ITPR1: variants seen among roughly 807,000 people sequenced by gnomAD.
The protein encoded by ITPR1 is inositol 1,4,5-trisphosphate receptor type 1.
Under a neutral mutation model 318.4 loss-of-function variants are expected in ITPR1, and 96 were observed. The observed-to-expected ratio is 0.30, with a 90% CI of 0.26 to 0.36. The LOEUF is 0.36. Ranked by LOEUF, ITPR1 falls within the 10% of genes least tolerant of loss-of-function variation. The pLI, the probability that ITPR1 is intolerant of heterozygous loss-of-function variation, is 1.00. For missense variants in ITPR1, 2,440 were observed against 3,460.2 expected (o/e 0.71, Z 7.40); for synonymous variants, 1,312 against 1,289.9 (o/e 1.02, Z -0.37).
chr3:4,720,591 C>T (rs914701733), intron 40 of ITPR1, among the ~76,000 whole-genome samples: 1 of 152,150 alleles, frequency 6.6e-6, no homozygotes, highest in Non-Finnish European at 1.5e-5. Flanking sequence ...GATGTGATTC[C>T]CACTGAATCA....
In ITPR1 at chr3:4,706,248, A is replaced by T; in HGVS notation, c.4739A>T (p.Gln1580Leu). The change falls in exon 37 of 62, where the codon CAG becomes CTG. Residue 1580 changes from glutamine to leucine, a missense_variant. Around this residue, in one of 23 missense-constraint regions of ITPR1, gnomAD observed 166 missense variants for 246.5 expected, o/e 0.67. Transcript: ENST00000649015. ...TTTCTCAAGTCCCACAGCATTGTGC[A>T]GAAAACAGCCATGAACTGGCGGCTC... The part of the protein sequence containing the change: ...NLFLKSHSIV[Q>L]KTAMNWRLSA... The T allele has an allele frequency of 6.2e-7, 1 of 1,614,098 alleles. No individual in the cohort carries two copies. The highest frequency in any genetic ancestry group is 8.5e-7 in the Non-Finnish European group (1 of 1,179,902).
Position 4,783,801 on chromosome 3 carries a change from G to C in ITPR1, c.6511-15G>C, listed in dbSNP as rs2046989499. ...AGAGACACCAACCTCCTGTATCTCTGTCCCTGTATTCTAGTTGGCTCGGCA... is the reference window on the plus strand; with the variant it reads ...AGAGACACCAACCTCCTGTATCTCTCTCCCTGTATTCTAGTTGGCTCGGCA... On this transcript the variant is annotated splice_polypyrimidine_tract_variant and intron_variant, in intron 50 of 61. Transcript: ENST00000649015. The C allele has an allele frequency of 2.5e-6, 4 of 1,578,182 alleles. No individual in the cohort carries two copies. The African/African-American group carries it at 4.0e-5, about 16-fold the overall frequency.
intron 33 of ITPR1, 52 bp from the exon 34 acceptor site, chr3:4,697,095 G>A: frequency 6.3e-7 from 1 of 1,590,010 alleles, no homozygotes; most frequent in Non-Finnish European, 8.6e-7. Flanking sequence ...CAGCTAATGA[G>A]TTCCATACAC....
At chr3:4,503,163 T>C (rs1280502697) in intron 2 of ITPR1, among the ~76,000 whole-genome samples, 1 of 132,868 alleles carries the variant, frequency 7.5e-6, no homozygotes, top group Non-Finnish European at 1.7e-5. Flanking sequence ...CATTTCCTTT[T>C]GATAGCTTTT....
At chr3:4,781,220 G>C (rs1454198372) in intron 49 of ITPR1, among the ~76,000 whole-genome samples, 1 of 152,236 alleles carries the variant, frequency 6.6e-6, no homozygotes, top group Non-Finnish European at 1.5e-5. Context: ...TTTGGTATTA[G>C]ATAATGACAA....
intron 4 of ITPR1, among the ~76,000 whole-genome samples, chr3:4,570,812 A>C (rs772114320): frequency 6.6e-6 from 1 of 152,232 alleles, no homozygotes; most frequent in Non-Finnish European, 1.5e-5. Flanking sequence ...GATCAAATCC[A>C]AGTGTGTTTT....
At chr3:4,720,795 T>TG (rs2042093332) in intron 40 of ITPR1, among the ~76,000 whole-genome samples, 3 of 126,828 alleles carry the variant, frequency 2.4e-5, no homozygotes, top group Non-Finnish European at 3.4e-5. Flanking sequence ...AAATTCGAGG[T>TG]AGAGGGGGAA....
Position 4,667,361 on chromosome 3 carries a change from T to C in ITPR1, c.1714-16T>C. On this transcript the variant is annotated splice_polypyrimidine_tract_variant and intron_variant, in intron 17 of 61. Coordinates refer to ENST00000649015, the MANE Select transcript of ITPR1 (RefSeq NM_001378452.1). ...TTTATCCTTCCTACTGACGTCTCTT[T>C]TCTCTCCTTATAAAGGAGTATATAG... 2 of 1,584,560 alleles carry C rather than the reference T, an allele frequency of 1.3e-6. No individual in the cohort carries two copies. Among genetic ancestry groups the C allele is most frequent in the Non-Finnish European group, 1.7e-6 (2 of 1,163,604 alleles).
intron 35 of ITPR1, among the ~76,000 whole-genome samples, 182 bp from the exon 36 acceptor site, chr3:4,702,648 T>C (rs1173357944): frequency 6.6e-6 from 1 of 152,214 alleles, no homozygotes; most frequent in Non-Finnish European, 1.5e-5. Flanking sequence ...AGGTAACTTA[T>C]GGAATTTAGC....
At chr3:4,537,765 T>G (rs304049) in intron 4 of ITPR1, among the ~76,000 whole-genome samples, 1 of 152,180 alleles carries the variant, frequency 6.6e-6, no homozygotes, top group East Asian at 1.9e-4. Context: ...GCAGCCCTGC[T>G]GATACCTTGA....
chr3:4,507,909 C>G (rs1180493784), intron 2 of ITPR1, among the ~76,000 whole-genome samples: 1 of 152,184 alleles, frequency 6.6e-6, no homozygotes, highest in African/African-American at 2.4e-5. Context: ...GCCAGCTTCA[C>G]TGTTTAAGGA....
chr3:4,740,902 C>T (rs3805002), intron 44 of ITPR1, among the ~76,000 whole-genome samples: 6,371 of 152,296 alleles, frequency 0.042, 240 homozygotes, highest in South Asian at 0.13. Flanking sequence ...TGGTGCCACC[C>T]GCTTCCTGTC....
chr3:4,579,328 T>G (rs2089043096), intron 4 of ITPR1, among the ~76,000 whole-genome samples: 1 of 152,256 alleles, frequency 6.6e-6, no homozygotes, highest in Non-Finnish European at 1.5e-5. Flanking sequence ...TATGTAATTT[T>G]GATGATAATT....
intron 55 of ITPR1, among the ~76,000 whole-genome samples, chr3:4,807,409 C>CT (rs1327444294): frequency 6.6e-6 from 1 of 152,204 alleles, no homozygotes; most frequent in African/African-American, 2.4e-5. Flanking sequence ...GCTCCCTTCG[C>CT]TTAACGTACT....
intron 4 of ITPR1, among the ~76,000 whole-genome samples, chr3:4,596,891 G>A (rs2090871314): frequency 6.6e-6 from 1 of 152,222 alleles, no homozygotes; most frequent in African/African-American, 2.4e-5. Flanking sequence ...CTCTGGGTCA[G>A]TAAAAGTACG....
At chr3:4,803,668 TG>T (rs1341473314) in intron 54 of ITPR1, among the ~76,000 whole-genome samples, 1 of 152,008 alleles carries the variant, frequency 6.6e-6, no homozygotes, top group Non-Finnish European at 1.5e-5. Context: ...GTAGAAAAAA[TG>T]TTCAGTATTT....
At chr3:4,769,640 T>G (rs569673622) in intron 46 of ITPR1, among the ~76,000 whole-genome samples, 1 of 152,356 alleles carries the variant, frequency 6.6e-6, no homozygotes, top group African/African-American at 2.4e-5. Flanking sequence ...TATGATATCC[T>G]GGATCCTAAG....
chr3:4,814,812 G>A lies in ITPR1; in HGVS notation c.7702-241G>A. 4 of 598,998 alleles carry A rather than the reference G, an allele frequency of 6.7e-6. No homozygotes were observed. In the South Asian group the frequency reaches 8.6e-5, roughly 13 times the overall value. The allele number at this position is 598,998 out of a possible 1,614,324, so 37.1% of individuals were successfully genotyped here. A position where few individuals can be genotyped will look rare whatever the true frequency, so the allele number is the denominator to read the frequency against. On this transcript the variant is annotated intron_variant, in intron 58 of 61. Coordinates refer to ENST00000649015, the MANE Select transcript of ITPR1 (RefSeq NM_001378452.1). ...TAGACTTAGGGACTGTTTCCATCAG[G>A]GTTAGGCCTGATCCACCTGAACGCA...
intron 4 of ITPR1, among the ~76,000 whole-genome samples, chr3:4,585,398 T>C (rs1018798499): frequency 3.3e-5 from 5 of 152,142 alleles, no homozygotes; most frequent in African/African-American, 1.2e-4. Context: ...TCATACTAAT[T>C]ATGATTACTA....
Sources: allele counts gnomAD v4.1 joint callset (sites outside exome capture counted in the v4.1 genomes callset), GRCh38; gene constraint gnomAD v4.1.1; regional missense constraint gnomAD v4.1.1; transcripts MANE v1.5; gene names NCBI Gene and HGNC (gene_info 2026-07-23, HGNC 2026-07-21).